LPIN2: variants seen among roughly 807,000 people sequenced by gnomAD.
LPIN2 encodes phosphatidate phosphatase LPIN2.
A neutral mutation model predicts 111.4 loss-of-function variants in LPIN2; 55 were observed. The observed-to-expected ratio is 0.49, with a 90% CI of 0.40 to 0.62. The LOEUF is 0.62. Among genes scored for constraint, LPIN2 ranks in the 20% least tolerant of loss-of-function variants. The probability of loss-of-function intolerance (pLI) is 0.00; values close to 1 mark genes in which losing one functional copy is unlikely to be tolerated. For synonymous variants in LPIN2, 425 were observed against 414.0 expected (o/e 1.03, Z -0.32); for missense variants, 992 against 1,112.1 (o/e 0.89, Z 1.54).
At chr18:2,960,476 G>A in intron 2 of LPIN2, 173 bp downstream of exon 2, 1 of 671,276 alleles carries the variant, frequency 1.5e-6, no homozygotes, top group Non-Finnish European at 2.6e-6. Flanking sequence ...ATACATAAAG[G>A]TTGACTTCTC....
intron 4 of LPIN2, among the ~76,000 whole-genome samples, 155 bp from the exon 5 acceptor site, chr18:2,940,867 A>C (rs1417510132): frequency 6.6e-6 from 1 of 152,210 alleles, no homozygotes; most frequent in Non-Finnish European, 1.5e-5. Flanking sequence ...GGGGGGATAC[A>C]CCAATGCCAC....
At position 2,921,581 on chromosome 18, in the gene LPIN2, A is replaced by G; in HGVS notation, c.2394T>C (p.Phe798=). 6.2e-7 allele frequency: 1 copy of G among 1,614,200 alleles called. No homozygotes were observed. The highest frequency in any genetic ancestry group is 8.5e-7 in the Non-Finnish European group (1 of 1,180,030). Residue 798 remains phenylalanine (F), a synonymous_variant, in exon 18 of 20, where the codon TTT becomes TTC. Coordinates refer to ENST00000677752, the MANE Select transcript of LPIN2 (RefSeq NM_001375808.2). ...IECLNDIKNL[F]APSKQPFYAA... ...CATAGAAGGGCTGCTTAGACGGGGC[A>G]AACAGATTCTTGATATCATTTAGAC... is the stretch of plus-strand genomic sequence containing the variant.
intron 1 of LPIN2, among the ~76,000 whole-genome samples, chr18:3,004,467 G>A (rs2078481372): frequency 6.6e-6 from 1 of 152,094 alleles, no homozygotes; most frequent in African/African-American, 2.4e-5. Context: ...AATATTGGGG[G>A]CTGGTTCCCC....
In LPIN2 at chr18:2,925,429, T is replaced by C. The variant is rs1266655874; in HGVS notation, c.1794-61A>G. The C allele has an allele frequency of 6.2e-6, 10 of 1,602,460 alleles. No homozygotes were observed. The highest frequency in any genetic ancestry group is 8.5e-6 in the Non-Finnish European group (10 of 1,170,606). The stretch of plus-strand genomic sequence containing the variant: ...AGGGCATTTTATTGATGAGAGCTTT[T>C]CATTTAGGATCAAGAAAATAAAGAT... On this transcript the variant is annotated intron_variant, in intron 13 of 19. Coordinates refer to ENST00000677752, the MANE Select transcript of LPIN2 (RefSeq NM_001375808.2). The surrounding 1 kb of genome is among the most constrained non-coding windows in gnomAD (Gnocchi z 4.1).
chr18:2,982,819 A>T (rs1539792), intron 1 of LPIN2: 1 of 869,444 alleles, frequency 1.2e-6, no homozygotes, highest in Middle Eastern at 2.7e-4. Context: ...GTATATAATC[A>T]AAACAGAAAG....
At chr18:2,970,146 A>G (rs2077882457) in intron 1 of LPIN2, among the ~76,000 whole-genome samples, 1 of 152,220 alleles carries the variant, frequency 6.6e-6, no homozygotes, top group Admixed American at 6.5e-5. Flanking sequence ...GGGATACGTA[A>G]GAAGAGGGGA....
chr18:2,940,146 C>T (rs1236837592), intron 5 of LPIN2, among the ~76,000 whole-genome samples: 3 of 125,212 alleles, frequency 2.4e-5, no homozygotes, highest in Non-Finnish European at 3.4e-5. Context: ...GGCAAAATAG[C>T]GAGACTCTGT....
intron 12 of LPIN2, among the ~76,000 whole-genome samples, chr18:2,927,337 G>A (rs2077148743): frequency 6.6e-6 from 1 of 152,210 alleles, no homozygotes; most frequent in African/African-American, 2.4e-5. Context: ...ACAGATTCTG[G>A]TTATTTGCAT....
chr18:2,999,109 C>T (rs2078389659), intron 1 of LPIN2, among the ~76,000 whole-genome samples: 1 of 152,168 alleles, frequency 6.6e-6, no homozygotes, highest in African/African-American at 2.4e-5. Flanking sequence ...GAGGATGTCA[C>T]ATGTGTTATC....
At chr18:2,923,750 G>A (rs1245886558) in intron 16 of LPIN2, 25 bp downstream of exon 16, 8 of 1,587,128 alleles carry the variant, frequency 5.0e-6, no homozygotes, top group African/African-American at 2.7e-5. Context: ...TCACCAGAGC[G>A]AGTTAACGTG....
intron 1 of LPIN2, among the ~76,000 whole-genome samples, chr18:2,962,568 A>C (rs944475493): frequency 6.6e-6 from 1 of 152,206 alleles, no homozygotes; most frequent in Non-Finnish European, 1.5e-5. Flanking sequence ...TTTCATCAAA[A>C]TATTCATATA....
At chr18:2,921,062 G>A in intron 18 of LPIN2, 181 bp from the exon 19 acceptor site, 1 of 650,980 alleles carries the variant, frequency 1.5e-6, no homozygotes, top group Admixed American at 2.3e-5. Context: ...AGTGGTGCTT[G>A]GAGAGTCAGA....
chr18:2,927,455 T>G (rs1019106379), intron 12 of LPIN2, among the ~76,000 whole-genome samples: 2 of 152,172 alleles, frequency 1.3e-5, no homozygotes, highest in African/African-American at 4.8e-5. Flanking sequence ...TTGCCCCAGC[T>G]CCGTCTCTCA....
intron 11 of LPIN2, 59 bp from the exon 12 acceptor site, chr18:2,927,870 TCTATG>T: frequency 7.2e-7 from 1 of 1,396,260 alleles, no homozygotes; most frequent in East Asian, 2.3e-5. Flanking sequence ...GCACCTACCT[TCTATG>T]CTAGCCTGAA....
intron 1 of LPIN2, chr18:2,990,521 A>G (rs1190955003): frequency 1.3e-5 from 2 of 153,570 alleles, no homozygotes; most frequent in African/African-American, 4.8e-5. Context: ...TGGCAAATAA[A>G]TACTTGAAAA....
In LPIN2 at chr18:2,918,909, G is replaced by C. The variant is rs891650067; in HGVS notation, c.*1384C>G. On this transcript the variant is annotated 3_prime_UTR_variant, in exon 20 of 20. Transcript: ENST00000677752. ...CCCGAGCGCCAAGCCTGTATCTGCA[G>C]ATCCCTCTCTGCTCAGGAACCACCA... The C allele has an allele frequency of 2.0e-5, 3 of 152,212 alleles. No homozygotes were observed. The highest frequency in any genetic ancestry group is 4.4e-5 in the Non-Finnish European group (3 of 68,040). The allele number at this position is 152,212 out of a possible 1,614,324, so 9.4% of individuals were successfully genotyped here.
intron 1 of LPIN2, 25 bp from the exon 2 acceptor site, chr18:2,960,874 G>A (rs1319642202): frequency 2.5e-6 from 4 of 1,574,998 alleles, no homozygotes; most frequent in Non-Finnish European, 3.5e-6. Context: ...AATTAGATGA[G>A]ATGTTAACAC....
At chr18:2,961,267 T>A (rs115992762) in intron 1 of LPIN2, among the ~76,000 whole-genome samples, 3,496 of 152,214 alleles carry the variant, frequency 0.023, 64 homozygotes, top group Middle Eastern at 0.061. Flanking sequence ...AAAACAAACA[T>A]CATCCCCGGG....
chr18:3,007,902 C>A (rs1424863229), intron 1 of LPIN2, among the ~76,000 whole-genome samples: 1 of 152,180 alleles, frequency 6.6e-6, no homozygotes, highest in Admixed American at 6.5e-5. Context: ...ACCTCCCTTT[C>A]CGAATAAGTT....
Sources: gnomAD v4.1 joint callset for allele counts (sites outside exome capture counted in the v4.1 genomes callset) on GRCh38, gnomAD v4.1.1 for gene constraint, Gnocchi (gnomAD v3.1) non-coding constraint, MANE v1.5 for transcripts, NCBI Gene and HGNC (gene_info 2026-07-23, HGNC 2026-07-21) for gene names.